Variants in ABCC10 observed in about 807,000 individuals in gnomAD.
The protein encoded by ABCC10 is ATP-binding cassette sub-family C member 10.
In ABCC10, 110 loss-of-function variants were observed where a neutral mutation model predicts 143.2. That is an observed-to-expected ratio of 0.77 (90% CI 0.66 to 0.90). The LOEUF is 0.90. Ranked by LOEUF, ABCC10 falls within the 40% of genes least tolerant of loss-of-function variation. ABCC10 has a pLI of 0.00. For missense variants in ABCC10, 1,700 were observed against 1,900.5 expected (o/e 0.89, Z 1.96); for synonymous variants, 805 against 846.7 (o/e 0.95, Z 0.85).
rs375765975 is a variant in ABCC10 at position 43,432,979 on chromosome 6, G to C, written c.999G>C (p.Gly333=). ...GLLYALGLAG[G]AVLGAVLQNQ... is the part of the protein sequence containing the mutation. ...TCTATGCTCTGGGGCTAGCCGGTGG[G>C]GCTGTGCTGGGTGCTGTGCTGCAGA... The change falls in exon 3 of 22, where the codon GGG becomes GGC. Residue 333 remains glycine, a synonymous_variant. Coordinates refer to ENST00000372530, the MANE Select transcript of ABCC10 (RefSeq NM_001198934.2). The C allele has an allele frequency of 6.2e-7, 1 of 1,614,032 alleles. No homozygotes were observed. Among genetic ancestry groups the C allele is most frequent in the African/African-American group, 1.3e-5 (1 of 74,908 alleles).
Position 43,447,787 on chromosome 6 carries a change from T to C in ABCC10, c.3809T>C (p.Val1270Ala). ...GCCCTGGATGGAGTGACCTTCTGCG[T>C]GCAGCCTGGAGAGAAGTTGGGCATC... ...PNALDGVTFC[V>A]QPGEKLGIVG... Residue 1270 changes from valine (V) to alanine (A), a missense_variant, in exon 18 of 22, where the codon GTG (valine) becomes GCG (alanine). By Grantham distance (64) the Val-to-Ala change is moderately conservative (BLOSUM62 0). Transcript: ENST00000372530. 6.2e-7 allele frequency: 1 copy of C among 1,613,734 alleles called. No homozygotes were observed. The highest frequency in any genetic ancestry group is 1.1e-5 in the South Asian group (1 of 91,088).
At chr6:43,438,483 G>A in intron 7 of ABCC10, 141 bp from the exon 8 acceptor site, 1 of 1,444,446 alleles carries the variant, frequency 6.9e-7, no homozygotes, top group South Asian at 1.5e-5. Context: ...GACCTCAGGA[G>A]CTGCCATCTC....
chr6:43,441,274 G>A (rs371084681), intron 8 of ABCC10, among the ~76,000 whole-genome samples: 8 of 151,986 alleles, frequency 5.3e-5, no homozygotes, highest in African/African-American at 1.2e-4. Context: ...TCAGGAGATC[G>A]AGACCATCCT....
chr6:43,444,759 A>G, intron 12 of ABCC10, 29 bp from the exon 13 acceptor site: 1 of 1,556,994 alleles, frequency 6.4e-7, no homozygotes, highest in Non-Finnish European at 8.7e-7. Flanking sequence ...GGAGCCTCTT[A>G]CAGCTTTTTC....
Position 43,432,203 on chromosome 6 carries a change from C to T in ABCC10, c.223C>T (p.Leu75=). Residue 75 remains leucine (L), a synonymous_variant, in exon 3 of 22, where the codon CTG becomes TTG. Coordinates refer to ENST00000372530, the MANE Select transcript of ABCC10 (RefSeq NM_001198934.2). The stretch of plus-strand genomic sequence containing the variant: ...GCGCCTCCGACTTGCAGCTTCCTTC[C>T]TGCTTTCCGTCTTCCCGCTGCTAGA... ...GWRLRLAASF[L]LSVFPLLDLL... 6.2e-7 allele frequency: 1 copy of T among 1,614,216 alleles called. No individual in the cohort carries two copies. Among genetic ancestry groups the T allele is most frequent in the African/African-American group, 1.3e-5 (1 of 75,058 alleles).
chr6:43,450,670 G>A (rs556577670), downstream of ABCC10: 23 of 1,613,948 alleles, frequency 1.4e-5, no homozygotes, highest in South Asian at 1.9e-4. This position sits in a 1 kb window ranked among gnomAD's most constrained non-coding sequence, Gnocchi z 4.5. Flanking sequence ...TAGCAACAGG[G>A]TCCAGGGGGG....
At position 43,443,684 on chromosome 6, in the gene ABCC10, C is replaced by T. The variant is rs1380693024; in HGVS notation, c.2417-249C>T. 1 of 478,434 alleles carries T rather than the reference C, an allele frequency of 2.1e-6. No individual in the cohort carries two copies. The highest frequency in any genetic ancestry group is 3.4e-5 in the East Asian group (1 of 29,006). The allele number at this position is 478,434 out of a possible 1,614,324, so 29.6% of individuals were successfully genotyped here. ...GTCCTCTTGGGGATGGACATTCGTC[C>T]CTCTCTGCTGGTCGGAATCAAGGTT... On this transcript the variant is annotated intron_variant, in intron 10 of 21. Transcript: ENST00000372530. This position sits in a 1 kb window ranked among gnomAD's most constrained non-coding sequence, Gnocchi z 4.2.
At chr6:43,450,915 G>A (rs2127418895), downstream of ABCC10, 1 of 1,614,238 alleles carries the variant, frequency 6.2e-7, no homozygotes, top group Non-Finnish European at 8.5e-7. This position sits in a 1 kb window ranked among gnomAD's most constrained non-coding sequence, Gnocchi z 4.5. Flanking sequence ...GGTGTCCACT[G>A]TGGTTGGGGG....
chr6:43,450,361 CAT>C lies in ABCC10; in HGVS notation c.*272_*273del, dbSNP rs1178219265. The C allele has an allele frequency of 1.0e-6, 1 of 993,956 alleles. No individual in the cohort carries two copies. The highest frequency in any genetic ancestry group is 1.6e-5 in the African/African-American group (1 of 60,820). The allele number at this position is 993,956 out of a possible 1,614,324, so 61.6% of individuals were successfully genotyped here. ...TGGCATAGGAGCCCACTTGCATTTT[CAT>C]AGTTTTATTTGATAAAATTCCATCT... is the stretch of plus-strand genomic sequence containing the variant. On this transcript the variant is annotated 3_prime_UTR_variant, in exon 22 of 22. Transcript: ENST00000372530. This position sits in a 1 kb window ranked among gnomAD's most constrained non-coding sequence, Gnocchi z 4.5.
At position 43,443,648 on chromosome 6, in the gene ABCC10, T is replaced by C. The variant is rs1194779697; in HGVS notation, c.2417-285T>C. On this transcript the variant is annotated intron_variant, in intron 10 of 21. Coordinates refer to ENST00000372530, the MANE Select transcript of ABCC10 (RefSeq NM_001198934.2). The surrounding 1 kb of genome is among the most constrained non-coding windows in gnomAD (Gnocchi z 4.2). The stretch of plus-strand genomic sequence containing the variant: ...GTAACCCTGGACAGAGTGGCAGGCA[T>C]AGCTCTGGCGGTCCTCTTGGGGATG... 7.1e-6 allele frequency: 3 copies of C among 420,826 alleles called. No individual in the cohort carries two copies. The highest frequency in any genetic ancestry group is 5.9e-5 in the African/African-American group (3 of 50,760). The allele number at this position is 420,826 out of a possible 1,614,324, so 26.1% of individuals were successfully genotyped here.
intron 13 of ABCC10, 42 bp downstream of exon 13, chr6:43,444,980 T>C: frequency 1.3e-6 from 2 of 1,587,110 alleles, no homozygotes; most frequent in Admixed American, 1.7e-5. Flanking sequence ...GCTCTCAGAG[T>C]GGTCGCCAGG....
Position 43,436,264 on chromosome 6 carries a change from C to T in ABCC10, c.1875+17C>T, listed in dbSNP as rs750698437. On this transcript the variant is annotated intron_variant, in intron 6 of 21. Transcript: ENST00000372530. ...GTGAAAAAGGTTTGTTGGACAGACA[C>T]CCTGGGAGAGTCCTCAGACTAACGA... is the stretch of plus-strand genomic sequence containing the variant. The T allele has an allele frequency of 4.3e-5, 70 of 1,611,488 alleles. No homozygotes were observed. The Admixed American group carries it at 5.0e-4, about 12-fold the overall frequency.
Position 43,450,307 on chromosome 6 carries a change from T to C in ABCC10, c.*216T>C. ...GAACCAGGCCTCTGCTCTGGCCCTC[T>C]TGCATCTGGAACGCCAGGTGGGTTT... On this transcript the variant is annotated 3_prime_UTR_variant, in exon 22 of 22. Transcript: ENST00000372530. The surrounding 1 kb of genome is among the most constrained non-coding windows in gnomAD (Gnocchi z 4.5). 1 of 825,528 alleles carries C rather than the reference T, an allele frequency of 1.2e-6. No homozygotes were observed. The highest frequency in any genetic ancestry group is 1.8e-6 in the Non-Finnish European group (1 of 559,188). The allele number at this position is 825,528 out of a possible 1,614,324, so 51.1% of individuals were successfully genotyped here. A position where few individuals can be genotyped will look rare whatever the true frequency, so the allele number is the denominator to read the frequency against.
At chr6:43,445,061 G>C in intron 13 of ABCC10, 64 bp from the exon 14 acceptor site, 2 of 1,593,884 alleles carry the variant, frequency 1.3e-6, no homozygotes, top group Non-Finnish European at 1.7e-6. Context: ...TGGCATGGGG[G>C]AGGAGAAAGG....
Position 43,441,573 on chromosome 6 carries a change from G to C in ABCC10, c.2128-289G>C, listed in dbSNP as rs201115478. On this transcript the variant is annotated intron_variant, in intron 8 of 21. Transcript: ENST00000372530. ...TAGCTGTGGGCCAGCTAGTTAATCT[G>C]TCTGAGCTTTGGTTGCACCTGAGAA... 6.6e-5 allele frequency among the ~76,000 whole-genome samples: 10 copies of C among 152,330 alleles called. No homozygotes were observed. In the East Asian group the frequency reaches 1.9e-3, roughly 29 times the overall value.
intron 3 of ABCC10, among the ~76,000 whole-genome samples, chr6:43,434,092 G>A (rs1391006412): frequency 6.6e-6 from 1 of 152,242 alleles, no homozygotes; most frequent in Non-Finnish European, 1.5e-5. Flanking sequence ...TACAGACGAG[G>A]AGTTTTGGCC....
In ABCC10 at chr6:43,443,911, A is replaced by G; in HGVS notation, c.2417-22A>G. On this transcript the variant is annotated intron_variant, in intron 10 of 21. Transcript: ENST00000372530. This position sits in a 1 kb window ranked among gnomAD's most constrained non-coding sequence, Gnocchi z 4.2. ...TATAGACTCAGAACAGTCCTCTCCC[A>G]ATCTCCCCTTCTACCCTCCAGGACC... 1 of 1,597,822 alleles carries G rather than the reference A, an allele frequency of 6.3e-7. No homozygotes were observed. The highest frequency in any genetic ancestry group is 8.6e-7 in the Non-Finnish European group (1 of 1,165,082).
rs1354790309 is a variant in ABCC10 at position 43,449,505 on chromosome 6, C to T, written c.4287C>T (p.Ala1429=). Residue 1429 remains alanine (A), a synonymous_variant, in exon 21 of 22, where the codon GCC becomes GCT. Coordinates refer to ENST00000372530, the MANE Select transcript of ABCC10 (RefSeq NM_001198934.2). ...LLQQTICKRF[A]NKTVLTIAHR... Reference sequence around the variant, plus strand: ...AGCAGACCATCTGCAAACGCTTTGCCAACAAGACAGTGCTGACCATTGCCC... The same window carrying T: ...AGCAGACCATCTGCAAACGCTTTGCTAACAAGACAGTGCTGACCATTGCCC... The T allele has an allele frequency of 1.9e-6, 3 of 1,614,032 alleles. No individual in the cohort carries two copies. Among genetic ancestry groups the T allele is most frequent in the Non-Finnish European group, 2.5e-6 (3 of 1,179,942 alleles).
rs1329938642 is a variant in ABCC10, at chr6:43,445,859, C to T, written c.3291C>T (p.Ser1097=). ...ASSRELRRLG[S]LTLSPLYSHL... Reference sequence around the variant, plus strand: ...CACGGGAGCTGCGGCGCCTGGGCAGCCTCACCCTGTCTCCACTGTATAGCC... The same window carrying T: ...CACGGGAGCTGCGGCGCCTGGGCAGTCTCACCCTGTCTCCACTGTATAGCC... The change falls in exon 15 of 22, where the codon AGC becomes AGT. Residue 1097 remains serine (S), a synonymous_variant. Coordinates refer to ENST00000372530, the MANE Select transcript of ABCC10 (RefSeq NM_001198934.2). 1 of 1,614,114 alleles carries T rather than the reference C, an allele frequency of 6.2e-7. No individual in the cohort carries two copies. Among genetic ancestry groups the T allele is most frequent in the Non-Finnish European group, 8.5e-7 (1 of 1,180,036 alleles).
Sources: allele counts gnomAD v4.1 joint callset (sites outside exome capture counted in the v4.1 genomes callset), GRCh38; gene constraint gnomAD v4.1.1; non-coding constraint Gnocchi (gnomAD v3.1); transcripts MANE v1.5; gene names NCBI Gene and HGNC (gene_info 2026-07-23, HGNC 2026-07-21).